The following BICRAL variants were observed in gnomAD, a reference collection of about 807,000 sequenced individuals.
The protein encoded by BICRAL is BICRA like chromatin remodeling complex associated protein, also known as BRD4-interacting chromatin-remodeling complex-associated protein-like.
BICRAL carries 8 observed loss-of-function variants against 91.8 expected under a neutral mutation model. That is an observed-to-expected ratio of 0.09 (90% CI 0.05 to 0.16). The LOEUF (loss-of-function observed/expected upper bound fraction) is 0.16, where lower values mean the gene tolerates loss of function less well. BICRAL is among the 10% of genes least tolerant of loss of function. The pLI is 1.00. For missense variants in BICRAL, 1,038 were observed against 1,310.9 expected (o/e 0.79, Z 3.21); for synonymous variants, 445 against 491.1 (o/e 0.91, Z 1.24).
At chr6:42,856,583 A>G (rs756823624) in intron 9 of BICRAL, among the ~76,000 whole-genome samples, 3 of 151,884 alleles carry the variant, frequency 2.0e-5, no homozygotes, top group Non-Finnish European at 4.4e-5. Flanking sequence ...CATGTTGGCC[A>G]GGCTGGTCTT....
At chr6:42,803,074 T>C (rs988507905) in intron 1 of BICRAL, among the ~76,000 whole-genome samples, 1 of 152,238 alleles carries the variant, frequency 6.6e-6, no homozygotes, top group African/African-American at 2.4e-5. Flanking sequence ...CATACCTGGC[T>C]GTGCCAGAAA....
Position 42,782,084 on chromosome 6 carries a change from C to T in BICRAL, c.-119C>T, listed in dbSNP as rs1762927788. ...TGGCGCAGAAACCCCGTTGACAAGG[C>T]ACTGCTTTTTCATGACGGTGAGTTT... On this transcript the variant is annotated 5_prime_UTR_variant, in exon 1 of 13. Coordinates refer to ENST00000314073, the MANE Select transcript of BICRAL (RefSeq NM_001393499.1). 6.7e-6 allele frequency: 1 copy of T among 149,552 alleles called. No individual in the cohort carries two copies. Among genetic ancestry groups the T allele is most frequent in the Non-Finnish European group, 1.5e-5 (1 of 67,152 alleles). The allele number at this position is 149,552 out of a possible 1,614,324, so 9.3% of individuals were successfully genotyped here.
chr6:42,777,547 ACT>A (rs935247660), upstream of BICRAL, among the ~76,000 whole-genome samples: 1 of 151,966 alleles, frequency 6.6e-6, no homozygotes, highest in African/African-American at 2.4e-5. Context: ...ACACTTACTA[ACT>A]CTTCTGGTAT....
intron 1 of BICRAL, among the ~76,000 whole-genome samples, chr6:42,751,747 T>TC (rs1562446118): frequency 7.2e-6 from 1 of 139,290 alleles, no homozygotes; most frequent in Admixed American, 8.3e-5. Context: ...AACCCCCGCC[T>TC]CCTGGGTTCA....
chr6:42,834,658 T>C (rs1197720315), intron 6 of BICRAL, among the ~76,000 whole-genome samples: 1 of 152,134 alleles, frequency 6.6e-6, no homozygotes, highest in Non-Finnish European at 1.5e-5. Flanking sequence ...AAATATATTG[T>C]ATAAAATAAT....
chr6:42,825,834 A>G (rs1764283008), intron 5 of BICRAL, among the ~76,000 whole-genome samples: 1 of 152,186 alleles, frequency 6.6e-6, no homozygotes, highest in Non-Finnish European at 1.5e-5. Context: ...TCACACCAAC[A>G]CTTGTGAGAG....
At chr6:42,778,257 T>C (rs779999083), upstream of BICRAL, among the ~76,000 whole-genome samples, 7 of 152,200 alleles carry the variant, frequency 4.6e-5, no homozygotes, top group Non-Finnish European at 1.0e-4. Flanking sequence ...AATGTTAACA[T>C]TGAAACAGCA....
chr6:42,760,265 C>CA (rs1159041351), intron 1 of BICRAL, among the ~76,000 whole-genome samples: 7 of 141,952 alleles, frequency 4.9e-5, no homozygotes, highest in African/African-American at 1.0e-4. Context: ...CATCTCAAAA[C>CA]AAAAAAAAAT....
chr6:42,763,830 CA>C (rs1762592804), intron 1 of BICRAL, among the ~76,000 whole-genome samples: 1 of 133,568 alleles, frequency 7.5e-6, no homozygotes, highest in African/African-American at 2.8e-5. Context: ...CAGAAAAAAA[CA>C]AAAAACAAAC....
At chr6:42,800,364 A>G (rs1010648238) in intron 1 of BICRAL, among the ~76,000 whole-genome samples, 3 of 151,996 alleles carry the variant, frequency 2.0e-5, no homozygotes, top group South Asian at 2.1e-4. Context: ...GGGTTTTGCC[A>G]TGTTGGCCAG....
intron 1 of BICRAL, among the ~76,000 whole-genome samples, chr6:42,751,062 G>GCCCA (rs1281687121): frequency 1.8e-4 from 26 of 142,318 alleles, no homozygotes; most frequent in Admixed American, 1.5e-3. Flanking sequence ...CCCTCCCCTT[G>GCCCA]CCCAGTTTCC....
intron 1 of BICRAL, among the ~76,000 whole-genome samples, chr6:42,771,928 G>C (rs1446351902): frequency 6.6e-6 from 1 of 152,162 alleles, no homozygotes; most frequent in Non-Finnish European, 1.5e-5. Flanking sequence ...CAGCAGCTGT[G>C]GAACTGTCAC....
At chr6:42,845,374 C>G (rs978009583) in intron 6 of BICRAL, among the ~76,000 whole-genome samples, 1 of 151,334 alleles carries the variant, frequency 6.6e-6, no homozygotes, top group South Asian at 2.1e-4. Context: ...AAGCGTGAGC[C>G]ACAGCGCCCA....
intron 6 of BICRAL, among the ~76,000 whole-genome samples, chr6:42,836,918 T>C (rs1169387099): frequency 6.7e-6 from 1 of 149,478 alleles, no homozygotes; most frequent in Admixed American, 6.7e-5. Flanking sequence ...CTGTGCCTGG[T>C]CCTCTGTGTA....
intron 1 of BICRAL, among the ~76,000 whole-genome samples, chr6:42,788,520 C>T (rs528127775): frequency 4.5e-4 from 69 of 151,938 alleles, no homozygotes; most frequent in African/African-American, 1.6e-3. Flanking sequence ...CCATGCCTGG[C>T]CGGGAGCAGC....
intron 1 of BICRAL, among the ~76,000 whole-genome samples, chr6:42,756,751 A>G (rs976220986): frequency 2.0e-5 from 3 of 152,164 alleles, no homozygotes; most frequent in South Asian, 2.1e-4. Flanking sequence ...TGTGGGTTCA[A>G]CTGGTACTGG....
intron 6 of BICRAL, among the ~76,000 whole-genome samples, chr6:42,845,127 ATGGTAAATT>A (rs1002794935): frequency 7.4e-6 from 1 of 135,136 alleles, no homozygotes; most frequent in Non-Finnish European, 1.5e-5. Flanking sequence ...TGTTTCTTGG[ATGGTAAATT>A]TGAGATAAAG....
chr6:42,768,372 G>A (rs1336301361), intron 1 of BICRAL, among the ~76,000 whole-genome samples: 13 of 152,180 alleles, frequency 8.5e-5, no homozygotes, highest in East Asian at 1.9e-4. Context: ...TTACCCCATC[G>A]ATAGTAGTTT....
intron 12 of BICRAL, among the ~76,000 whole-genome samples, chr6:42,863,845 T>C (rs1367149769): frequency 1.3e-5 from 2 of 152,062 alleles, no homozygotes; most frequent in African/African-American, 4.8e-5. Flanking sequence ...CTGACCAACA[T>C]GGTGAAACCC....
Sources: gnomAD v4.1 joint callset for allele counts (sites outside exome capture counted in the v4.1 genomes callset) on GRCh38, gnomAD v4.1.1 for gene constraint, MANE v1.5 for transcripts, NCBI Gene and HGNC (gene_info 2026-07-23, HGNC 2026-07-21) for gene names.